The following REDIC1 variants were observed in gnomAD, a reference collection of about 807,000 sequenced individuals.
REDIC1 encodes the protein HEI10 Interacting Protein 1.
At chr12:39,668,782 C>G in the REDIC1 span, among the ~76,000 whole-genome samples, 4 of 151,962 alleles carry the variant, frequency 2.6e-5, no homozygotes, top group African/African-American at 9.7e-5. Flanking sequence ...CTAAACTTCT[C>G]TCTTGCTTCA....
chr12:39,815,612 G>A, the REDIC1 span, among the ~76,000 whole-genome samples: 1 of 152,126 alleles, frequency 6.6e-6, no homozygotes, highest in African/African-American at 2.4e-5. Flanking sequence ...GGTAAGAGGC[G>A]AACGGGGATA....
the REDIC1 span, among the ~76,000 whole-genome samples, chr12:39,726,915 C>A: frequency 6.6e-6 from 1 of 152,092 alleles, no homozygotes; most frequent in East Asian, 1.9e-4. Flanking sequence ...TAATGACCAG[C>A]GATGATGAGC....
the REDIC1 span, among the ~76,000 whole-genome samples, chr12:39,782,924 GGTTT>G: frequency 6.6e-6 from 1 of 152,042 alleles, no homozygotes. Flanking sequence ...ACAATGTGCA[GGTTT>G]GTTATGTATG....
the REDIC1 span, among the ~76,000 whole-genome samples, chr12:39,896,204 A>G: frequency 7.6e-3 from 1,125 of 148,568 alleles, 19 homozygotes; most frequent in African/African-American, 0.026. Context: ...GTGTATGTAT[A>G]CATGTATATA....
the REDIC1 span, among the ~76,000 whole-genome samples, chr12:39,813,656 T>C: frequency 6.6e-6 from 1 of 152,182 alleles, no homozygotes; most frequent in African/African-American, 2.4e-5. Context: ...TGAATCAAGA[T>C]TCAAATAAGG....
At chr12:39,888,796 AATATT>A in the REDIC1 span, among the ~76,000 whole-genome samples, 540 of 152,310 alleles carry the variant, frequency 3.5e-3, 2 homozygotes, top group African/African-American at 0.012. Context: ...AAAATTTTAT[AATATT>A]ATATTAATAA....
At chr12:39,706,044 T>C in the REDIC1 span, among the ~76,000 whole-genome samples, 2 of 152,084 alleles carry the variant, frequency 1.3e-5, no homozygotes, top group Non-Finnish European at 2.9e-5. Context: ...TGTTTGCCAA[T>C]GATGTGGTCT....
At chr12:39,780,447 C>T in the REDIC1 span, among the ~76,000 whole-genome samples, 4 of 152,122 alleles carry the variant, frequency 2.6e-5, no homozygotes, top group Admixed American at 1.3e-4. Flanking sequence ...TGAAGTAAGC[C>T]ACTGAAATAT....
chr12:39,755,903 C>T, the REDIC1 span: 1 of 151,896 alleles, frequency 6.6e-6, no homozygotes, highest in African/African-American at 2.4e-5. Context: ...TATAAAACAC[C>T]TCTTTGATGA....
At chr12:39,760,813 A>C in the REDIC1 span, among the ~76,000 whole-genome samples, 3 of 151,964 alleles carry the variant, frequency 2.0e-5, no homozygotes, top group Admixed American at 2.0e-4. Context: ...TGGTTTTCTA[A>C]GGGTCATGAT....
At chr12:39,865,090 G>A in the REDIC1 span, among the ~76,000 whole-genome samples, 3 of 152,174 alleles carry the variant, frequency 2.0e-5, no homozygotes. Flanking sequence ...TTCATTGTGA[G>A]ACATGATGAG....
the REDIC1 span, among the ~76,000 whole-genome samples, chr12:39,896,732 T>C: frequency 6.6e-6 from 1 of 152,128 alleles, no homozygotes; most frequent in East Asian, 1.9e-4. Context: ...TATACCCTAA[T>C]AAAACATCTT....
the REDIC1 span, chr12:39,684,932 A>T: frequency 1.2e-3 from 1,967 of 1,604,686 alleles, 5 homozygotes; most frequent in Non-Finnish European, 1.0e-3. Context: ...GATGAGGTAA[A>T]GCACAGTCTC....
chr12:39,816,036 C>T, the REDIC1 span, among the ~76,000 whole-genome samples: 1,562 of 152,306 alleles, frequency 0.01, 9 homozygotes, highest in Middle Eastern at 0.027. Flanking sequence ...ACAGTGTCCA[C>T]CAAATCCTAA....
chr12:39,765,227 T>A, the REDIC1 span, among the ~76,000 whole-genome samples: 1,115 of 152,194 alleles, frequency 7.3e-3, 21 homozygotes, highest in African/African-American at 0.025. Flanking sequence ...CAGAGCCAGA[T>A]ACTTTTCATC....
At chr12:39,759,322 A>C in the REDIC1 span, 3 of 152,210 alleles carry the variant, frequency 2.0e-5, no homozygotes, top group South Asian at 6.2e-4. Flanking sequence ...TGTATGCCTT[A>C]TCACTGATGC....
chr12:39,894,136 G>A, the REDIC1 span, among the ~76,000 whole-genome samples: 9 of 152,108 alleles, frequency 5.9e-5, no homozygotes, highest in Non-Finnish European at 1.0e-4. Flanking sequence ...ATAGTGCCAC[G>A]TCACTAGGGC....
At chr12:39,879,204 G>A in the REDIC1 span, among the ~76,000 whole-genome samples, 6 of 152,258 alleles carry the variant, frequency 3.9e-5, no homozygotes, top group Admixed American at 2.6e-4. Flanking sequence ...GAAGCCTGCT[G>A]CAGGGGCAGA....
the REDIC1 span, among the ~76,000 whole-genome samples, chr12:39,814,171 C>T: frequency 1.2e-4 from 19 of 152,238 alleles, no homozygotes; most frequent in African/African-American, 2.2e-4. Context: ...TACTTCAAAA[C>T]GTTAATCAAC....
Sources: gnomAD v4.1 joint callset for allele counts (sites outside exome capture counted in the v4.1 genomes callset) on GRCh38, gnomAD v4.1.1 for gene constraint, MANE v1.5 for transcripts, NCBI Gene and HGNC (gene_info 2026-07-23, HGNC 2026-07-21) for gene names.